The following CSMD3 variants were observed in gnomAD, a reference collection of about 807,000 sequenced individuals.
The protein encoded by CSMD3 is CUB and Sushi multiple domains 3.
Under a neutral mutation model 435.2 loss-of-function variants are expected in CSMD3, and 177 were observed. That is an observed-to-expected ratio of 0.41 (90% confidence interval 0.36 to 0.46). The LOEUF is 0.46. Among genes scored for constraint, CSMD3 ranks in the 20% least tolerant of loss-of-function variants. The probability of loss-of-function intolerance (pLI) is 0.34; values close to 1 mark genes in which losing one functional copy is unlikely to be tolerated. For synonymous variants in CSMD3, 1,656 were observed against 1,520.5 expected, an observed-to-expected ratio of 1.09 and a Z score of -2.07; for missense variants, 4,265 against 4,504.6, an observed-to-expected ratio of 0.95 and a Z score of 1.52.
At chr8:112,361,572 C>CATATATATATATATATAT (rs4030099) in intron 38 of CSMD3, among the ~76,000 whole-genome samples, 1 of 107,188 alleles carries the variant, frequency 9.3e-6, no homozygotes, top group Non-Finnish European at 1.9e-5. Context: ...TATACACATA[C>CATATATATATATATATAT]ATATATATAT....
In CSMD3 at chr8:112,317,845, G is replaced by A. The variant is rs117841337; in HGVS notation, c.7360+992C>T. ...CAGAAGTTACTTTAGACTTGTTATA[G>A]CAGCTAAGATACTGCACAAGAAACA... On this transcript the variant is annotated intron_variant, in intron 47 of 70. Coordinates refer to ENST00000297405, the MANE Select transcript of CSMD3 (RefSeq NM_198123.2). 1.8e-3 allele frequency among the ~76,000 whole-genome samples: 280 copies of A among 152,060 alleles called. 1 individual carries two copies. Among genetic ancestry groups the A allele is most frequent in the Non-Finnish European group, 3.4e-3 (231 of 67,956 alleles).
At chr8:112,557,054 C>T in intron 24 of CSMD3, 100 bp from the exon 25 acceptor site, 2 of 762,988 alleles carry the variant, frequency 2.6e-6, no homozygotes, top group South Asian at 1.5e-5. Flanking sequence ...TGATTACATA[C>T]TTATTCTTAG....
Position 112,573,526 on chromosome 8 carries a change from A to G in CSMD3, c.4017T>C (p.Asp1339=). 2 of 1,613,536 alleles carry G rather than the reference A, an allele frequency of 1.2e-6. No individual in the cohort carries two copies. The highest frequency in any genetic ancestry group is 1.7e-6 in the Non-Finnish European group (2 of 1,179,592). ...LEFNSDTEGT[D]EGFQLVYTSF... is the part of the protein sequence containing the mutation. Reference sequence around the variant, plus strand: ...TGGTATACACAAGTTGAAAGCCTTCATCTGTCCCTTCAGTATCGGAATTAA... The same window carrying G: ...TGGTATACACAAGTTGAAAGCCTTCGTCTGTCCCTTCAGTATCGGAATTAA... The change falls in exon 24 of 71, where the codon GAT becomes GAC. Residue 1339 remains aspartate, a synonymous_variant. Transcript: ENST00000297405.
chr8:112,823,377 T>G (rs1257587266), intron 12 of CSMD3, among the ~76,000 whole-genome samples: 3 of 152,190 alleles, frequency 2.0e-5, no homozygotes, highest in Non-Finnish European at 4.4e-5. Context: ...GTGTTATGTG[T>G]CCAGGAATTT....
intron 4 of CSMD3, among the ~76,000 whole-genome samples, chr8:113,154,090 TG>T (rs2091886867): frequency 1.3e-5 from 2 of 152,108 alleles, no homozygotes; most frequent in Non-Finnish European, 2.9e-5. Flanking sequence ...CTTTTTTATT[TG>T]GACCTGTGTT....
intron 31 of CSMD3, among the ~76,000 whole-genome samples, chr8:112,479,077 T>C (rs1819367667): frequency 6.6e-6 from 1 of 152,118 alleles, no homozygotes; most frequent in Non-Finnish European, 1.5e-5. Flanking sequence ...CCTTCTTGGG[T>C]TCAGTACAAG....
At chr8:112,282,668 A>G (rs1259514218) in intron 58 of CSMD3, among the ~76,000 whole-genome samples, 1 of 152,004 alleles carries the variant, frequency 6.6e-6, no homozygotes, top group Middle Eastern at 3.2e-3. Flanking sequence ...TCCACACCTA[A>G]TACACAAATT....
chr8:113,120,361 T>C (rs537889876), intron 4 of CSMD3, among the ~76,000 whole-genome samples: 2 of 152,236 alleles, frequency 1.3e-5, no homozygotes, highest in Middle Eastern at 3.4e-3. Flanking sequence ...ATTAAATAAA[T>C]ATTGTCCTTC....
rs1315360231 is a variant in CSMD3, at chr8:113,186,806, G to A, written c.515-12890C>T. Among the ~76,000 whole-genome samples the A allele has an allele frequency of 2.6e-5, 4 of 152,054 alleles. No homozygotes were observed. The South Asian group carries it at 6.2e-4, about 24-fold the overall frequency. On this transcript the variant is annotated intron_variant, in intron 3 of 70. Coordinates refer to ENST00000297405, the MANE Select transcript of CSMD3 (RefSeq NM_198123.2). ...CAGCAAGGCAGGAAATGCCCCTCAG[G>A]TGAAAAATTTCTAGTCCCAAGTCCT...
At chr8:112,524,961 T>C (rs1358733666) in intron 27 of CSMD3, among the ~76,000 whole-genome samples, 1 of 151,920 alleles carries the variant, frequency 6.6e-6, no homozygotes, top group East Asian at 1.9e-4. Flanking sequence ...TTTTTCAATA[T>C]ATTCTTATTT....
intron 1 of CSMD3, among the ~76,000 whole-genome samples, chr8:113,337,787 A>G (rs539177106): frequency 2.6e-5 from 4 of 151,954 alleles, no homozygotes; most frequent in Non-Finnish European, 5.9e-5. Flanking sequence ...CATGGTGACT[A>G]TAGTTAACAA....
chr8:113,262,885 G>T (rs2093438459), intron 3 of CSMD3, among the ~76,000 whole-genome samples: 1 of 152,040 alleles, frequency 6.6e-6, no homozygotes, highest in Admixed American at 6.6e-5. Context: ...CTAGCTGACT[G>T]CAGCTCAGAC....
intron 5 of CSMD3, among the ~76,000 whole-genome samples, chr8:113,038,703 G>GGAATT (rs939249096): frequency 2.0e-4 from 30 of 152,102 alleles, no homozygotes; most frequent in African/African-American, 7.2e-4. Context: ...GGAAAGGAAA[G>GGAATT]GAATTCCTTA....
chr8:112,405,770 A>G (rs1486983725), intron 35 of CSMD3, among the ~76,000 whole-genome samples: 1 of 152,072 alleles, frequency 6.6e-6, no homozygotes, highest in Non-Finnish European at 1.5e-5. Context: ...AATTCTTTTG[A>G]TGACCAAGCA....
intron 5 of CSMD3, among the ~76,000 whole-genome samples, chr8:113,030,742 TA>T (rs954125634): frequency 4.7e-5 from 7 of 149,296 alleles, no homozygotes; most frequent in Admixed American, 6.7e-5. Context: ...ATACAAAATG[TA>T]AAAAAAAAGT....
intron 12 of CSMD3, among the ~76,000 whole-genome samples, chr8:112,802,468 T>G (rs2078981670): frequency 6.6e-6 from 1 of 152,098 alleles, no homozygotes; most frequent in African/African-American, 2.4e-5. Context: ...TGAAGGCAAT[T>G]AACATGTATG....
At chr8:113,424,314 T>C (rs1328155527) in intron 1 of CSMD3, among the ~76,000 whole-genome samples, 3 of 151,642 alleles carry the variant, frequency 2.0e-5, no homozygotes, top group Admixed American at 2.0e-4. Context: ...ACTCTTAACC[T>C]CACAGATTAA....
chr8:112,725,204 C>T (rs970771604), intron 13 of CSMD3, among the ~76,000 whole-genome samples: 23 of 151,774 alleles, frequency 1.5e-4, no homozygotes, highest in African/African-American at 4.6e-4. Flanking sequence ...ATCATAGTCC[C>T]GTAAAGATAG....
chr8:112,898,293 T>C (rs2082008537), intron 10 of CSMD3, among the ~76,000 whole-genome samples: 1 of 151,190 alleles, frequency 6.6e-6, no homozygotes, highest in Non-Finnish European at 1.5e-5. Flanking sequence ...TCTCTACCAG[T>C]AATATAATTA....
Sources: allele counts gnomAD v4.1 joint callset (sites outside exome capture counted in the v4.1 genomes callset), GRCh38; gene constraint gnomAD v4.1.1; transcripts MANE v1.5; gene names NCBI Gene and HGNC (gene_info 2026-07-23, HGNC 2026-07-21).